The following ATG10 variants were observed in gnomAD, a reference collection of about 807,000 sequenced individuals.
ATG10 encodes the protein autophagy related 10, also known as ubiquitin-like-conjugating enzyme ATG10.
In ATG10, 30 loss-of-function variants were observed where a neutral mutation model predicts 32.1. The ratio of observed to expected loss-of-function variants is 0.94; its 90% CI spans 0.70 to 1.27. ATG10 has a LOEUF of 1.27. Ranked by LOEUF, ATG10 falls within the 50% of genes most tolerant of loss-of-function variation. The pLI is 0.00. For synonymous variants in ATG10, 87 were observed against 91.5 expected (o/e 0.95, Z 0.28); for missense variants, 233 against 262.3 (o/e 0.89, Z 0.77).
chr5:82,184,255 A>T (rs1395075986), intron 5 of ATG10, among the ~76,000 whole-genome samples: 1 of 152,228 alleles, frequency 6.6e-6, no homozygotes, highest in East Asian at 1.9e-4. Flanking sequence ...ATCTACACAG[A>T]GCGAATGGGA....
chr5:82,117,094 T>C (rs537656329), intron 3 of ATG10, among the ~76,000 whole-genome samples: 2 of 152,250 alleles, frequency 1.3e-5, no homozygotes, highest in South Asian at 4.1e-4. Context: ...AACAACTTAC[T>C]ATATGTTCTT....
chr5:82,031,953 C>T (rs1762753432), intron 2 of ATG10, among the ~76,000 whole-genome samples: 1 of 152,252 alleles, frequency 6.6e-6, no homozygotes, highest in Non-Finnish European at 1.5e-5. Flanking sequence ...CTATAGCAGC[C>T]TGCTGCTTGG....
Position 82,058,844 on chromosome 5 carries a change from AT to A in ATG10, c.216+246del, listed in dbSNP as rs1406496857. Among the ~76,000 whole-genome samples the A allele has an allele frequency of 6.6e-5, 10 of 152,222 alleles. 1 individual carries two copies. The highest frequency in any genetic ancestry group is 3.4e-3 in the Middle Eastern group (1 of 294). ...GCCTGTTGTAGGGGGAGAAGGAGGT[AT>A]TTTCCTTTGTAATACTGAAAGCAAG... On this transcript the variant is annotated intron_variant, in intron 3 of 7. Coordinates refer to ENST00000282185, the MANE Select transcript of ATG10 (RefSeq NM_031482.5).
intron 2 of ATG10, among the ~76,000 whole-genome samples, chr5:81,993,336 C>CTTCCTTCTTTCTTTCTTTCTTTCT (rs1554039310): frequency 2.6e-5 from 2 of 77,674 alleles, no homozygotes; most frequent in African/African-American, 1.3e-4. Context: ...TCCTTCCTTC[C>CTTCCTTCTTTCTTTCTTTCTTTCT]TTCTTTCTTT....
At chr5:82,203,238 A>C (rs1257809853) in intron 5 of ATG10, among the ~76,000 whole-genome samples, 1 of 152,030 alleles carries the variant, frequency 6.6e-6, no homozygotes, top group South Asian at 2.1e-4. Context: ...AAAAAAAAAA[A>C]AAAGTAATGG....
intron 3 of ATG10, among the ~76,000 whole-genome samples, chr5:82,072,470 C>T (rs1764159197): frequency 6.6e-6 from 1 of 152,028 alleles, no homozygotes; most frequent in Non-Finnish European, 1.5e-5. Context: ...AGCACTTTCC[C>T]AGGGGATGAT....
chr5:81,993,390 T>TC lies in ATG10; in HGVS notation c.108+5712_108+5713insC, dbSNP rs1263324515. On this transcript the variant is annotated intron_variant, in intron 2 of 7. Transcript: ENST00000282185. ...TTTCTTTTCTTTTCTTTTCTTTTCT[T>TC]TTTTTTTCTTTTCTTTTCTTTTCTT... 4.9e-4 allele frequency among the ~76,000 whole-genome samples: 61 copies of TC among 124,530 alleles called. 1 individual carries two copies. The highest frequency in any genetic ancestry group is 1.9e-3 in the African/African-American group (57 of 29,798). The allele number at this position is 124,530 out of a possible 152,430, so 81.7% of individuals were successfully genotyped here.
At chr5:82,248,900 C>T (rs1188298112) in intron 5 of ATG10, among the ~76,000 whole-genome samples, 1 of 151,450 alleles carries the variant, frequency 6.6e-6, no homozygotes, top group Non-Finnish European at 1.5e-5. Flanking sequence ...TTAATATATT[C>T]TATTTAATTA....
chr5:82,108,445 C>A (rs1765506640), intron 3 of ATG10, among the ~76,000 whole-genome samples: 3 of 151,428 alleles, frequency 2.0e-5, no homozygotes, highest in Admixed American at 2.0e-4. Context: ...ATGTACATAT[C>A]ATATATGTAT....
At chr5:82,136,048 T>C (rs1766728132) in intron 3 of ATG10, among the ~76,000 whole-genome samples, 1 of 152,130 alleles carries the variant, frequency 6.6e-6, no homozygotes, top group African/African-American at 2.4e-5. Context: ...AACCCCTGAT[T>C]TTTTGTTTTT....
chr5:82,096,524 G>A (rs1057088734), intron 3 of ATG10, among the ~76,000 whole-genome samples: 1 of 151,988 alleles, frequency 6.6e-6, no homozygotes, highest in Non-Finnish European at 1.5e-5. Flanking sequence ...TTCCATTACT[G>A]TATTTCCTTG....
At chr5:82,053,794 T>C (rs1763502625) in intron 2 of ATG10, among the ~76,000 whole-genome samples, 1 of 152,120 alleles carries the variant, frequency 6.6e-6, no homozygotes, top group African/African-American at 2.4e-5. Context: ...TGAAGTGTAG[T>C]TGGACTTGGA....
chr5:82,130,392 T>A (rs567175079), intron 3 of ATG10, among the ~76,000 whole-genome samples: 1 of 150,776 alleles, frequency 6.6e-6, no homozygotes, highest in South Asian at 2.1e-4. Flanking sequence ...ACTTGGGTAT[T>A]AAAAAAAAAG....
At chr5:82,179,477 G>A (rs1470484160) in intron 5 of ATG10, among the ~76,000 whole-genome samples, 1 of 152,010 alleles carries the variant, frequency 6.6e-6, no homozygotes, top group African/African-American at 2.4e-5. Context: ...AAGAGCTTTT[G>A]ATTAATAATA....
chr5:81,974,123 G>T (rs1171099263), intron 1 of ATG10, among the ~76,000 whole-genome samples: 6 of 152,132 alleles, frequency 3.9e-5, no homozygotes, highest in Admixed American at 3.9e-4. Flanking sequence ...CTTAAGATGG[G>T]CTTGATTTGA....
chr5:82,086,066 C>T (rs1764679155), intron 3 of ATG10, among the ~76,000 whole-genome samples: 1 of 152,044 alleles, frequency 6.6e-6, no homozygotes. Flanking sequence ...TTAACTGGGT[C>T]AATGATAGAT....
intron 2 of ATG10, among the ~76,000 whole-genome samples, chr5:82,032,397 C>A (rs924981554): frequency 6.6e-6 from 1 of 151,852 alleles, no homozygotes; most frequent in African/African-American, 2.4e-5. Flanking sequence ...TATTCCAATT[C>A]TTTGATTGAT....
chr5:82,075,934 C>CCAA (rs1177471081), intron 3 of ATG10, among the ~76,000 whole-genome samples: 1 of 152,018 alleles, frequency 6.6e-6, no homozygotes, highest in African/African-American at 2.4e-5. Context: ...GACTCCATGT[C>CCAA]CAACAATAAC....
Position 82,255,802 on chromosome 5 carries a change from G to A in ATG10, c.*1739G>A, listed in dbSNP as rs1034530340. ...CTTCAGGTGAGGACATCATTCACCA[G>A]TGGATCACCGAGCACCGTGACAGCA... On this transcript the variant is annotated 3_prime_UTR_variant, in exon 8 of 8. Transcript: ENST00000282185. 1 of 152,234 alleles carries A rather than the reference G, an allele frequency of 6.6e-6. No individual in the cohort carries two copies. The allele number at this position is 152,234 out of a possible 1,614,324, so 9.4% of individuals were successfully genotyped here. A position where few individuals can be genotyped will look rare whatever the true frequency, so the allele number is the denominator to read the frequency against.
Sources: allele counts gnomAD v4.1 joint callset (sites outside exome capture counted in the v4.1 genomes callset), GRCh38; gene constraint gnomAD v4.1.1; transcripts MANE v1.5; gene names NCBI Gene and HGNC (gene_info 2026-07-23, HGNC 2026-07-21).